Variants in SCAPER observed in about 807,000 individuals in gnomAD.
SCAPER encodes the protein S-phase cyclin A associated protein in the ER, also known as S phase cyclin A-associated protein in the endoplasmic reticulum.
SCAPER carries 98 observed loss-of-function variants against 182.2 expected under a neutral mutation model. The observed-to-expected ratio is 0.54, with a 90% CI of 0.46 to 0.64. SCAPER has a LOEUF of 0.64. SCAPER is among the 30% of genes least tolerant of loss of function. SCAPER has a pLI of 0.00. For synonymous variants in SCAPER, 605 were observed against 564.6 expected (o/e 1.07, Z -1.01); for missense variants, 1,432 against 1,690.0 (o/e 0.85, Z 2.68).
intron 5 of SCAPER, among the ~76,000 whole-genome samples, chr15:76,816,714 G>A (rs1002526341): frequency 2.7e-5 from 4 of 150,384 alleles, no homozygotes; most frequent in Admixed American, 6.6e-5. Context: ...GTGCAGTGGC[G>A]CTATCTCGGC....
intron 24 of SCAPER, among the ~76,000 whole-genome samples, chr15:76,481,467 A>G (rs2051135985): frequency 6.6e-6 from 1 of 152,162 alleles, no homozygotes; most frequent in Admixed American, 6.5e-5. Context: ...AAAAAATTAG[A>G]TACCTGTCCT....
At chr15:76,372,218 A>G (rs1482456234) in intron 29 of SCAPER, among the ~76,000 whole-genome samples, 2 of 152,292 alleles carry the variant, frequency 1.3e-5, no homozygotes, top group South Asian at 2.1e-4. Flanking sequence ...CTTCCTCAGC[A>G]TGAGCTTACC....
intron 22 of SCAPER, among the ~76,000 whole-genome samples, chr15:76,578,343 G>A (rs988033301): frequency 6.6e-6 from 1 of 152,102 alleles, no homozygotes; most frequent in East Asian, 1.9e-4. Flanking sequence ...TGAGCCCTAG[G>A]GGGACTTGAG....
intron 5 of SCAPER, among the ~76,000 whole-genome samples, chr15:76,831,372 TA>T (rs1271898035): frequency 6.6e-6 from 1 of 151,816 alleles, no homozygotes; most frequent in Non-Finnish European, 1.5e-5. Context: ...GCCACTACCA[TA>T]ACTCTTTCCC....
At chr15:76,901,066 A>T (rs1237429506) in intron 1 of SCAPER, among the ~76,000 whole-genome samples, 2 of 152,128 alleles carry the variant, frequency 1.3e-5, no homozygotes, top group Non-Finnish European at 2.9e-5. Flanking sequence ...GTATTATGGT[A>T]AAAATGAGTA....
chr15:76,404,302 T>A (rs1302012476), intron 27 of SCAPER, among the ~76,000 whole-genome samples: 3 of 151,974 alleles, frequency 2.0e-5, no homozygotes, highest in African/African-American at 7.3e-5. Flanking sequence ...GACAGTCAAA[T>A]TTATGACACC....
intron 5 of SCAPER, among the ~76,000 whole-genome samples, chr15:76,837,575 C>T (rs760795879): frequency 3.3e-5 from 5 of 152,166 alleles, no homozygotes; most frequent in South Asian, 2.1e-4. Context: ...TTACCTCCCA[C>T]GATATGTGGA....
intron 15 of SCAPER, among the ~76,000 whole-genome samples, chr15:76,740,990 C>T (rs1409214684): frequency 6.6e-6 from 1 of 152,028 alleles, no homozygotes; most frequent in African/African-American, 2.4e-5. Context: ...TGAATAAATA[C>T]AACTCCAAAC....
intron 4 of SCAPER, among the ~76,000 whole-genome samples, chr15:76,844,338 C>G (rs138184638): frequency 6.6e-6 from 1 of 150,808 alleles, no homozygotes; most frequent in East Asian, 1.9e-4. Flanking sequence ...TGACTCATCC[C>G]TCTCTGAGAG....
chr15:76,676,077 G>C (rs1046175968), intron 20 of SCAPER, among the ~76,000 whole-genome samples: 4 of 152,092 alleles, frequency 2.6e-5, no homozygotes, highest in Admixed American at 2.0e-4. Context: ...CACCCACCTC[G>C]GCCTTCCAAA....
intron 22 of SCAPER, among the ~76,000 whole-genome samples, chr15:76,585,905 G>C (rs2048619126): frequency 6.6e-6 from 1 of 152,166 alleles, no homozygotes; most frequent in African/African-American, 2.4e-5. Flanking sequence ...AGAGAGTGTA[G>C]TTTTTAACAA....
At chr15:76,501,086 C>T (rs982838965) in intron 24 of SCAPER, among the ~76,000 whole-genome samples, 16 of 151,682 alleles carry the variant, frequency 1.1e-4, no homozygotes, top group African/African-American at 3.6e-4. Flanking sequence ...TTAGTCTACC[C>T]CAAAGGAGAT....
intron 23 of SCAPER, among the ~76,000 whole-genome samples, chr15:76,541,253 C>T (rs369596641): frequency 1.3e-5 from 2 of 151,840 alleles, no homozygotes; most frequent in East Asian, 1.9e-4. Flanking sequence ...ACACATATAC[C>T]TTTGAAATAT....
intron 15 of SCAPER, 130 bp downstream of exon 15, chr15:76,753,678 G>A: frequency 9.7e-7 from 1 of 1,026,660 alleles, no homozygotes; most frequent in Middle Eastern, 3.2e-4. Flanking sequence ...AGTTTTAAAT[G>A]AGTGTGTAAA....
intron 25 of SCAPER, among the ~76,000 whole-genome samples, chr15:76,435,368 C>T (rs1037942452): frequency 6.6e-6 from 1 of 152,148 alleles, no homozygotes. Context: ...AATCATTTTT[C>T]CCTATATGTT....
At chr15:76,700,172 C>A (rs1356331777) in intron 20 of SCAPER, among the ~76,000 whole-genome samples, 1 of 152,200 alleles carries the variant, frequency 6.6e-6, no homozygotes, top group East Asian at 1.9e-4. Context: ...TGGCCCTGTC[C>A]CACTGTCAAG....
In SCAPER at chr15:76,720,028, A is replaced by G. The variant is rs568993596; in HGVS notation, c.2165+8567T>C. On this transcript the variant is annotated intron_variant, in intron 17 of 31. Transcript: ENST00000563290. ...TGTGCCATGTTGGTGTGCTGCACCCATTAACTCATCATTTAGCATTAGGTA... is the reference window on the plus strand; with the variant it reads ...TGTGCCATGTTGGTGTGCTGCACCCGTTAACTCATCATTTAGCATTAGGTA... Among the ~76,000 whole-genome samples the G allele has an allele frequency of 1.1e-4, 16 of 151,422 alleles. No individual in the cohort carries two copies. The South Asian group carries it at 2.5e-3, about 24-fold the overall frequency.
intron 22 of SCAPER, among the ~76,000 whole-genome samples, chr15:76,607,219 C>T (rs921841302): frequency 2.6e-5 from 4 of 152,322 alleles, no homozygotes; most frequent in Admixed American, 1.3e-4. Context: ...CTGGTGGTGA[C>T]AAAATCTCTC....
intron 23 of SCAPER, among the ~76,000 whole-genome samples, chr15:76,540,194 T>C (rs978551931): frequency 6.6e-6 from 1 of 152,058 alleles, no homozygotes; most frequent in Non-Finnish European, 1.5e-5. Context: ...TGAAGCTAGG[T>C]GTTCAAGACC....
Sources: gnomAD v4.1 joint callset for allele counts (sites outside exome capture counted in the v4.1 genomes callset) on GRCh38, gnomAD v4.1.1 for gene constraint, MANE v1.5 for transcripts, NCBI Gene and HGNC (gene_info 2026-07-23, HGNC 2026-07-21) for gene names.